The following COL21A1 variants were observed in gnomAD, a reference collection of about 807,000 sequenced individuals.
The protein encoded by COL21A1 is collagen type XXI alpha 1 chain.
In COL21A1, 149 loss-of-function variants were observed where a neutral mutation model predicts 137.9. The observed-to-expected ratio is 1.08, with a 90% CI of 0.95 to 1.24. The LOEUF is 1.24. Ranked by LOEUF, COL21A1 falls within the 50% of genes most tolerant of loss-of-function variation. The probability of loss-of-function intolerance (pLI) is 0.00; values close to 1 mark genes in which losing one functional copy is unlikely to be tolerated. For synonymous variants in COL21A1, 456 were observed against 391.5 expected (o/e 1.16, Z -1.95); for missense variants, 1,167 against 1,158.4 (o/e 1.01, Z -0.11).
intron 1 of COL21A1, among the ~76,000 whole-genome samples, chr6:56,379,486 C>T (rs1244441015): frequency 6.6e-6 from 1 of 152,072 alleles, no homozygotes; most frequent in Non-Finnish European, 1.5e-5. Flanking sequence ...TGCTTGGTGT[C>T]CACTAGCAGG....
At chr6:56,221,840 C>A (rs1178490212) in intron 1 of COL21A1, among the ~76,000 whole-genome samples, 1 of 152,110 alleles carries the variant, frequency 6.6e-6, no homozygotes, top group Non-Finnish European at 1.5e-5. Context: ...ATTTCAGAAT[C>A]AAAATGTTTT....
chr6:56,375,070 A>C (rs978278505), intron 1 of COL21A1, among the ~76,000 whole-genome samples: 4 of 152,204 alleles, frequency 2.6e-5, no homozygotes, highest in Admixed American at 2.0e-4. Flanking sequence ...GGACATATGG[A>C]CTCAGCCAGA....
At chr6:56,093,753 C>T (rs1769071057) in intron 17 of COL21A1, among the ~76,000 whole-genome samples, 1 of 152,216 alleles carries the variant, frequency 6.6e-6, no homozygotes, top group East Asian at 1.9e-4. Context: ...GTCTCTGTAC[C>T]TTTCATTCCA....
At chr6:56,136,816 G>A (rs570510806) in intron 12 of COL21A1, among the ~76,000 whole-genome samples, 2 of 152,182 alleles carry the variant, frequency 1.3e-5, no homozygotes, top group South Asian at 4.1e-4. Context: ...AAGGTTTGAT[G>A]ACCTATGATC....
At chr6:56,346,650 T>A (rs1300732803) in intron 1 of COL21A1, among the ~76,000 whole-genome samples, 2 of 152,074 alleles carry the variant, frequency 1.3e-5, no homozygotes, top group Non-Finnish European at 2.9e-5. Context: ...GAAAAACACA[T>A]TAAAAAATAA....
Position 56,126,242 on chromosome 6 carries a change from C to G in COL21A1, c.1543-93G>C, listed in dbSNP as rs147386782. 81 of 751,842 alleles carry G rather than the reference C, an allele frequency of 1.1e-4. No homozygotes were observed. In the African/African-American group the frequency reaches 1.2e-3, roughly 11 times the overall value. The allele number at this position is 751,842 out of a possible 1,614,324, so 46.6% of individuals were successfully genotyped here. Reference sequence around the variant, plus strand: ...CTTCAACCTCACCCTTGTCAAAATCCACTTCAAATCTATCTGCAAACAGTT... The same window carrying G: ...CTTCAACCTCACCCTTGTCAAAATCGACTTCAAATCTATCTGCAAACAGTT... On this transcript the variant is annotated intron_variant, in intron 12 of 29. Transcript: ENST00000244728.
chr6:56,318,639 G>T (rs1223052671), intron 1 of COL21A1, among the ~76,000 whole-genome samples: 2 of 152,000 alleles, frequency 1.3e-5, no homozygotes, highest in African/African-American at 4.8e-5. Flanking sequence ...TTGATGAGTG[G>T]TTCCTTTATG....
At chr6:56,311,817 C>T (rs184550604) in intron 1 of COL21A1, among the ~76,000 whole-genome samples, 17 of 152,256 alleles carry the variant, frequency 1.1e-4, no homozygotes, top group African/African-American at 4.1e-4. Flanking sequence ...CAGAATGATC[C>T]TTGCAATGGC....
intron 1 of COL21A1, among the ~76,000 whole-genome samples, chr6:56,327,474 C>T (rs6915844): frequency 0.99 from 149,988 of 152,144 alleles, 73,963 homozygotes; most frequent in Middle Eastern, 1. Flanking sequence ...TGGAAGACAC[C>T]AAGGTGATGG....
At chr6:56,331,262 T>G (rs890025442) in intron 1 of COL21A1, among the ~76,000 whole-genome samples, 2 of 151,870 alleles carry the variant, frequency 1.3e-5, no homozygotes, top group South Asian at 2.1e-4. Flanking sequence ...TATTTTTTTT[T>G]TCTGTGTAGA....
At chr6:56,118,474 T>C (rs1258186536) in intron 16 of COL21A1, among the ~76,000 whole-genome samples, 1 of 152,170 alleles carries the variant, frequency 6.6e-6, no homozygotes, top group East Asian at 1.9e-4. Context: ...TGGGACCTGA[T>C]GGCTTCACTG....
At chr6:56,362,218 C>G (rs1325432816) in intron 1 of COL21A1, among the ~76,000 whole-genome samples, 1 of 152,120 alleles carries the variant, frequency 6.6e-6, no homozygotes, top group Non-Finnish European at 1.5e-5. Context: ...AAAGTATGAT[C>G]TCATTTATTA....
intron 1 of COL21A1, among the ~76,000 whole-genome samples, chr6:56,281,017 T>C (rs985114478): frequency 2.8e-5 from 4 of 140,928 alleles, no homozygotes; most frequent in Admixed American, 1.4e-4. Context: ...AAAATAAAGA[T>C]AAAAAAAGTA....
intron 1 of COL21A1, among the ~76,000 whole-genome samples, chr6:56,240,889 T>C (rs550814061): frequency 1.3e-5 from 2 of 152,166 alleles, no homozygotes; most frequent in East Asian, 3.9e-4. Context: ...AGATTATAGG[T>C]ACCTATCGCT....
chr6:56,171,182 A>T, intron 3 of COL21A1, 54 bp from the exon 4 acceptor site: 1 of 1,255,738 alleles, frequency 8.0e-7, no homozygotes, highest in Non-Finnish European at 1.1e-6. Context: ...CAAACAATAA[A>T]AGAAAAATCA....
chr6:56,190,116 G>C (rs560330614), intron 1 of COL21A1, among the ~76,000 whole-genome samples: 1 of 152,060 alleles, frequency 6.6e-6, no homozygotes, highest in Non-Finnish European at 1.5e-5. Flanking sequence ...AGGAAATAGA[G>C]ACACAAAAAA....
intron 18 of COL21A1, among the ~76,000 whole-genome samples, chr6:56,076,206 C>T (rs1295137375): frequency 6.6e-6 from 1 of 151,358 alleles, no homozygotes; most frequent in East Asian, 1.9e-4. Context: ...GGAAAGGAAG[C>T]AGGAATCTTC....
chr6:56,100,881 C>T (rs776200290), intron 17 of COL21A1, among the ~76,000 whole-genome samples: 5 of 152,144 alleles, frequency 3.3e-5, no homozygotes, highest in Non-Finnish European at 5.9e-5. Flanking sequence ...CAGTTCTTAA[C>T]CTAGCTCCGC....
rs929385443 is a variant in COL21A1 at position 56,234,473 on chromosome 6, C to T, written c.-39+12914G>A. The stretch of plus-strand genomic sequence containing the variant: ...TTCAATATTTTGTCATGAACATTTT[C>T]TATAAAGTTATTTACTTTCTATATT... On this transcript the variant is annotated intron_variant, in intron 1 of 29. Transcript: ENST00000244728. Among the ~76,000 whole-genome samples, 3 of 151,722 alleles carry T rather than the reference C, an allele frequency of 2.0e-5. No homozygotes were observed. The Admixed American group carries it at 2.0e-4, about 10-fold the overall frequency.
Sources: gnomAD v4.1 joint callset for allele counts (sites outside exome capture counted in the v4.1 genomes callset) on GRCh38, gnomAD v4.1.1 for gene constraint, MANE v1.5 for transcripts, NCBI Gene and HGNC (gene_info 2026-07-23, HGNC 2026-07-21) for gene names.